The following BIRC6 variants were observed in gnomAD, a reference collection of about 807,000 sequenced individuals.
The protein encoded by BIRC6 is dual E2 ubiquitin-conjugating enzyme/E3 ubiquitin-protein ligase BIRC6.
BIRC6 carries 98 observed loss-of-function variants against 503.3 expected under a neutral mutation model. The observed-to-expected ratio is 0.19, with a 90% CI of 0.17 to 0.23. The LOEUF (loss-of-function observed/expected upper bound fraction) is 0.23. Among genes scored for constraint, BIRC6 ranks in the 10% least tolerant of loss-of-function variants. BIRC6 has a pLI of 1.00. For synonymous variants in BIRC6, 2,240 were observed against 2,078.7 expected, an observed-to-expected ratio of 1.08 and a Z score of -2.11; for missense variants, 5,360 against 5,806.0, an observed-to-expected ratio of 0.92 and a Z score of 2.50.
At position 32,477,498 on chromosome 2, in the gene BIRC6, G is replaced by T. The variant is rs372554372; in HGVS notation, c.6983G>T (p.Cys2328Phe). 6.2e-7 allele frequency: 1 copy of T among 1,613,918 alleles called. No homozygotes were observed. The highest frequency in any genetic ancestry group is 1.1e-5 in the South Asian group (1 of 91,078). Reference protein sequence around the residue: ...PLPFTLAHERCISVVQKLVLF... With the variant: ...PLPFTLAHERFISVVQKLVLF... ...CCATTTACTCTGGCCCATGAGCGTT[G>T]TATCTCAGTAGTCCAGAAACTTGTT... Residue 2328 changes from cysteine to phenylalanine, a missense_variant, in exon 35 of 74, where the codon TGT becomes TTT. By Grantham distance (205) the Cys-to-Phe change is radical (BLOSUM62 -2). Transcript: ENST00000421745.
chr2:32,436,253 G>T, intron 15 of BIRC6, 69 bp downstream of exon 15: 2 of 1,243,994 alleles, frequency 1.6e-6, no homozygotes, highest in South Asian at 2.6e-5. Context: ...AAAAAAAACT[G>T]ATCTCAAAAA....
chr2:32,572,509 A>G (rs1156930455), intron 65 of BIRC6, among the ~76,000 whole-genome samples: 1 of 152,252 alleles, frequency 6.6e-6, no homozygotes, highest in South Asian at 2.1e-4. Flanking sequence ...AGATAATGCC[A>G]GTTGGCTATA....
At position 32,465,059 on chromosome 2, in the gene BIRC6, C is replaced by T; in HGVS notation, c.5257-6C>T. The T allele has an allele frequency of 4.5e-6, 7 of 1,551,158 alleles. No homozygotes were observed. The highest frequency in any genetic ancestry group is 3.7e-5 in the Admixed American group (2 of 53,366). On this transcript the variant is annotated splice_region_variant and splice_polypyrimidine_tract_variant and intron_variant, in intron 25 of 73. Coordinates refer to ENST00000421745, the MANE Select transcript of BIRC6 (RefSeq NM_016252.4). ...AAGTTAGATTTTTTTTTTTTCCCTGCTCTAGAATCCACTTGGTTCTGGTCT... is the reference window on the plus strand; with the variant it reads ...AAGTTAGATTTTTTTTTTTTCCCTGTTCTAGAATCCACTTGGTTCTGGTCT...
rs567520934 is a variant in BIRC6, at chr2:32,503,558, A to T, written c.9499+322A>T. ...TGCCTCAGCCTCCCGAGTAGCTGGG[A>T]TTACAGGCACCTGCCACCACGCCTG... On this transcript the variant is annotated intron_variant, in intron 49 of 73. Coordinates refer to ENST00000421745, the MANE Select transcript of BIRC6 (RefSeq NM_016252.4). Among the ~76,000 whole-genome samples, 3 of 152,186 alleles carry T rather than the reference A, an allele frequency of 2.0e-5. No homozygotes were observed. In the South Asian group the frequency reaches 6.2e-4, roughly 32 times the overall value.
At chr2:32,393,950 A>G (rs1222191935) in intron 5 of BIRC6, among the ~76,000 whole-genome samples, 1 of 46,736 alleles carries the variant, frequency 2.1e-5, no homozygotes, top group African/African-American at 1.0e-4. Flanking sequence ...AGAAAACTAT[A>G]TATATATATA....
At chr2:32,584,632 T>C (rs1247306600) in intron 66 of BIRC6, among the ~76,000 whole-genome samples, 2 of 152,240 alleles carry the variant, frequency 1.3e-5, no homozygotes, top group Non-Finnish European at 2.9e-5. Context: ...TCAATTAAAA[T>C]TATTTTTAAT....
chr2:32,591,676 A>G (rs2061389071), intron 66 of BIRC6, among the ~76,000 whole-genome samples: 1 of 152,192 alleles, frequency 6.6e-6, no homozygotes, highest in African/African-American at 2.4e-5. Flanking sequence ...ATCTTTATTG[A>G]GAGTACAGTG....
intron 8 of BIRC6, 115 bp downstream of exon 8, chr2:32,401,738 T>TC (rs1442464275): frequency 2.3e-6 from 2 of 881,770 alleles, no homozygotes; most frequent in Admixed American, 6.3e-5. Context: ...AGTTAAGAGA[T>TC]CAGAGAGTAA....
intron 1 of BIRC6, among the ~76,000 whole-genome samples, chr2:32,358,165 C>G (rs2033471137): frequency 6.6e-6 from 1 of 152,298 alleles, no homozygotes; most frequent in East Asian, 1.9e-4. Flanking sequence ...GGTCCCCTTG[C>G]TCGGGGCTTC....
chr2:32,470,380 T>C, intron 31 of BIRC6, 79 bp downstream of exon 31: 1 of 1,283,382 alleles, frequency 7.8e-7, no homozygotes, highest in Non-Finnish European at 1.1e-6. Context: ...TTCTCTGAAA[T>C]ACTTTAATAA....
chr2:32,372,746 C>T (rs954284384), intron 1 of BIRC6, among the ~76,000 whole-genome samples: 4 of 152,186 alleles, frequency 2.6e-5, no homozygotes, highest in African/African-American at 9.6e-5. Context: ...GGGAGGATTA[C>T]CTGAGCCCTG....
intron 53 of BIRC6, among the ~76,000 whole-genome samples, chr2:32,511,804 TATTA>T (rs1286985151): frequency 6.6e-6 from 1 of 152,102 alleles, no homozygotes; most frequent in African/African-American, 2.4e-5. Context: ...TTTGATGTTT[TATTA>T]ATATCTTTAT....
intron 66 of BIRC6, among the ~76,000 whole-genome samples, chr2:32,587,734 AAAGAG>A (rs2061144532): frequency 6.6e-6 from 1 of 152,226 alleles, no homozygotes; most frequent in Admixed American, 6.5e-5. Flanking sequence ...AGAAAAATAA[AAAGAG>A]AAGAAAATAA....
rs540132162 is a variant in BIRC6 at position 32,399,768 on chromosome 2, T to C, written c.1035-1395T>C. ...ATATGAGGTCCTAGTATTTTATTTT[T>C]ATATTTTAATTTAAATTTTTAAATT... On this transcript the variant is annotated intron_variant, in intron 6 of 73. Transcript: ENST00000421745. Among the ~76,000 whole-genome samples, 26 of 152,072 alleles carry C rather than the reference T, an allele frequency of 1.7e-4. 1 individual carries two copies. Among genetic ancestry groups the C allele is most frequent in the Middle Eastern group, 6.8e-3 (2 of 294 alleles).
rs2040590148 is a variant in BIRC6, at chr2:32,401,490, T to C, written c.1285T>C (p.Tyr429His). 1.2e-6 allele frequency: 2 copies of C among 1,614,004 alleles called. No homozygotes were observed. Among genetic ancestry groups the C allele is most frequent in the East Asian group, 2.2e-5 (1 of 44,886 alleles). The change falls in exon 8 of 74, where the codon TAT (tyrosine) becomes CAT (histidine). Residue 429 changes from tyrosine to histidine, a missense_variant. Physicochemically the swap from Tyr to His is moderately conservative, Grantham distance 83. Coordinates refer to ENST00000421745, the MANE Select transcript of BIRC6 (RefSeq NM_016252.4). ...GCACTTAAAGTTTGAAATTAATGCC[T>C]ATGATCCAGCAATTGTACAACAGCT... ...KVHLKFEINA[Y>H]DPAIVQQLIL...
intron 2 of BIRC6, among the ~76,000 whole-genome samples, chr2:32,378,429 G>C (rs75578230): frequency 0.033 from 5,031 of 151,912 alleles, 196 homozygotes; most frequent in African/African-American, 0.096. Flanking sequence ...TAAAATGAGA[G>C]AGGAATAGAC....
At chr2:32,492,652 AAAT>A (rs2051895391) in intron 44 of BIRC6, among the ~76,000 whole-genome samples, 1 of 152,072 alleles carries the variant, frequency 6.6e-6, no homozygotes, top group African/African-American at 2.4e-5. Flanking sequence ...GCATTGCAAA[AAAT>A]AATATTTTCT....
rs1258578428 is a variant in BIRC6 at position 32,543,222 on chromosome 2, C to G, written c.12292-19C>G. 2 of 1,608,366 alleles carry G rather than the reference C, an allele frequency of 1.2e-6. No individual in the cohort carries two copies. The highest frequency in any genetic ancestry group is 1.7e-6 in the Non-Finnish European group (2 of 1,175,824). On this transcript the variant is annotated intron_variant, in intron 61 of 73. Coordinates refer to ENST00000421745, the MANE Select transcript of BIRC6 (RefSeq NM_016252.4). ...TTGAAAATGTGAATGGCCAAGCCAA[C>G]ACTTTTCTTTTTCTTTAGGTGAGTG...
At chr2:32,361,171 G>C (rs1242424803) in intron 1 of BIRC6, among the ~76,000 whole-genome samples, 1 of 152,082 alleles carries the variant, frequency 6.6e-6, no homozygotes, top group Non-Finnish European at 1.5e-5. Context: ...CTGACCTCAA[G>C]TGATCTGCCC....
Sources: allele counts gnomAD v4.1 joint callset (sites outside exome capture counted in the v4.1 genomes callset), GRCh38; gene constraint gnomAD v4.1.1; transcripts MANE v1.5; gene names NCBI Gene and HGNC (gene_info 2026-07-23, HGNC 2026-07-21).